Variants in LPAR2 observed in about 807,000 individuals in gnomAD.
LPAR2 encodes the protein G protein-coupled receptor.
Under a neutral mutation model 15.6 loss-of-function variants are expected in LPAR2, and 10 were observed. That is an observed-to-expected ratio of 0.64 (90% confidence interval 0.39 to 1.09). The LOEUF (loss-of-function observed/expected upper bound fraction) is 1.09. Among genes scored for constraint, LPAR2 ranks in the 50% least tolerant of loss-of-function variants. The pLI is 0.01. For synonymous variants in LPAR2, 204 were observed against 207.4 expected (o/e 0.98, Z 0.14); for missense variants, 413 against 484.6 (o/e 0.85, Z 1.39).
At position 19,627,145 on chromosome 19, in the gene LPAR2, A is replaced by C. The variant is rs2061745934; in HGVS notation, c.140T>G (p.Leu47Arg). ...TGCTATGACCAGCAGATTGGTCAGCAGCACCAGCACGCTGACGGTCAGCCC... is the reference window on the plus strand; with the variant it reads ...TGCTATGACCAGCAGATTGGTCAGCCGCACCAGCACGCTGACGGTCAGCCC... Residue 47 changes from leucine (L) to arginine (R), a missense_variant, in exon 2 of 3, where the codon CTG becomes CGG. Transcript: ENST00000407877. The surrounding 1 kb of genome is among the most constrained non-coding windows in gnomAD (Gnocchi z 4.7). 2 of 1,613,256 alleles carry C rather than the reference A, an allele frequency of 1.2e-6. No homozygotes were observed. Among genetic ancestry groups the C allele is most frequent in the Non-Finnish European group, 1.7e-6 (2 of 1,179,910 alleles).
At chr19:19,624,618 C>T in intron 2 of LPAR2, 49 bp from the exon 3 acceptor site, 1 of 1,483,072 alleles carries the variant, frequency 6.7e-7, no homozygotes, top group Non-Finnish European at 9.2e-7. Context: ...AGAGGCCCGG[C>T]ACCTACAGCT....
chr19:19,624,451 G>A lies in LPAR2; in HGVS notation c.861C>T (p.Asn287=). The A allele has an allele frequency of 6.2e-7, 1 of 1,614,166 alleles. No homozygotes were observed. Among genetic ancestry groups the A allele is most frequent in the African/African-American group, 1.3e-5 (1 of 75,072 alleles). Residue 287 remains asparagine, a synonymous_variant, in exon 3 of 3, where the codon AAC becomes AAT. Coordinates refer to ENST00000407877, the MANE Select transcript of LPAR2 (RefSeq NM_004720.7). ...AGTACACAGCAGCATTGACCAGGGA[G>A]TTGGCCTCGGCCAACAGTAGGAAGT...
Position 19,626,436 on chromosome 19 carries a change from C to T in LPAR2, c.742+107G>A. 1.5e-6 allele frequency: 2 copies of T among 1,364,296 alleles called. No homozygotes were observed. The highest frequency in any genetic ancestry group is 2.8e-5 in the South Asian group (2 of 71,440). 84.5% of individuals were successfully genotyped at this position (1,364,296 alleles called of 1,614,324 possible). On this transcript the variant is annotated intron_variant, in intron 2 of 2. Transcript: ENST00000407877. This position sits in a 1 kb window ranked among gnomAD's most constrained non-coding sequence, Gnocchi z 5.3. ...GGAGGACATTCCCCACCTAAATCAT[C>T]CCCCATCACCCTCTATCAGGTAGCT...
rs1438468610 is a variant in LPAR2, at chr19:19,626,765, C to T, written c.520G>A (p.Ala174Thr). ...GCCATGCGTGAGCAGCGGTCCAGGGCACAGAGGCAGTGCCAGGAGTGGGCA... is the reference window on the plus strand; with the variant it reads ...GCCATGCGTGAGCAGCGGTCCAGGGTACAGAGGCAGTGCCAGGAGTGGGCA... Residue 174 changes from alanine (A) to threonine (T), a missense_variant, in exon 2 of 3, where the codon GCC becomes ACC. Physicochemically the swap from Ala to Thr is moderately conservative, Grantham distance 58. Transcript: ENST00000407877. The surrounding 1 kb of genome is among the most constrained non-coding windows in gnomAD (Gnocchi z 5.3). The T allele has an allele frequency of 1.2e-6, 2 of 1,610,834 alleles. No homozygotes were observed. The highest frequency in any genetic ancestry group is 3.4e-5 in the Admixed American group (2 of 59,456).
intron 2 of LPAR2, among the ~76,000 whole-genome samples, chr19:19,624,789 T>TTG (rs142248281): frequency 0.078 from 11,226 of 143,564 alleles, 506 homozygotes; most frequent in East Asian, 0.26. Context: ...ACTGGACATT[T>TTG]TGTGTGTGTG....
rs2061742357 is a variant in LPAR2, at chr19:19,626,747, G to A, written c.538C>T (p.Arg180Cys). The A allele has an allele frequency of 5.6e-6, 9 of 1,612,520 alleles. No homozygotes were observed. The highest frequency in any genetic ancestry group is 1.3e-5 in the African/African-American group (1 of 74,900). ...GAGCGGCTGAGCAGGGGTGCCATGC[G>A]TGAGCAGCGGTCCAGGGCACAGAGG... is the stretch of plus-strand genomic sequence containing the variant. Residue 180 changes from arginine to cysteine, a missense_variant, in exon 2 of 3, where the codon CGC becomes TGC. Transcript: ENST00000407877. The surrounding 1 kb of genome is among the most constrained non-coding windows in gnomAD (Gnocchi z 5.3).
chr19:19,624,659 C>A, intron 2 of LPAR2, 90 bp from the exon 3 acceptor site: 2 of 1,072,034 alleles, frequency 1.9e-6, no homozygotes, highest in East Asian at 2.4e-5. Flanking sequence ...GTCTCCAGAG[C>A]TCGAGCAATA....
rs1245636212 is a variant in LPAR2 at position 19,626,134 on chromosome 19, C to T, written c.742+409G>A. 6.6e-6 allele frequency among the ~76,000 whole-genome samples: 1 copy of T among 152,078 alleles called. No homozygotes were observed. The highest frequency in any genetic ancestry group is 1.5e-5 in the Non-Finnish European group (1 of 68,016). ...CCAACCTCAGCTGATCTGCCCGCCTCGGCCTCCCAAAGTGCTGGGATTACA... is the reference window on the plus strand; with the variant it reads ...CCAACCTCAGCTGATCTGCCCGCCTTGGCCTCCCAAAGTGCTGGGATTACA... On this transcript the variant is annotated intron_variant, in intron 2 of 2. Transcript: ENST00000407877. The surrounding 1 kb of genome is among the most constrained non-coding windows in gnomAD (Gnocchi z 5.3).
chr19:19,625,085 GT>G (rs1409910696), intron 2 of LPAR2, among the ~76,000 whole-genome samples: 1 of 151,846 alleles, frequency 6.6e-6, no homozygotes, highest in Non-Finnish European at 1.5e-5. Context: ...CTCCCGAAGT[GT>G]TGGGATTACA....
Position 19,627,007 on chromosome 19 carries a change from C to G in LPAR2, c.278G>C (p.Gly93Ala). Residue 93 changes from glycine (G) to alanine (A), a missense_variant, in exon 2 of 3, where the codon GGT becomes GCT. Gly to Ala is a moderately conservative substitution (Grantham distance 60). Transcript: ENST00000407877. The surrounding 1 kb of genome is among the most constrained non-coding windows in gnomAD (Gnocchi z 4.7). ...AAGTGAAAGTCGGGCTGTGCGGGGACCAGTGTGGAACATGAGGAAGAGGTA... is the reference window on the plus strand; with the variant it reads ...AAGTGAAAGTCGGGCTGTGCGGGGAGCAGTGTGGAACATGAGGAAGAGGTA... The G allele has an allele frequency of 6.2e-7, 1 of 1,613,756 alleles. No individual in the cohort carries two copies. Among genetic ancestry groups the G allele is most frequent in the Non-Finnish European group, 8.5e-7 (1 of 1,179,980 alleles).
rs769991960 is a variant in LPAR2, at chr19:19,626,992, C to T, written c.293G>A (p.Arg98Gln). 3.7e-6 allele frequency: 6 copies of T among 1,613,438 alleles called. No homozygotes were observed. The highest frequency in any genetic ancestry group is 3.3e-5 in the Admixed American group (2 of 59,986). The change falls in exon 2 of 3, where the codon CGA becomes CAA. Residue 98 changes from arginine (R) to glutamine (Q), a missense_variant. Arg to Gln is a conservative substitution (Grantham distance 43). Coordinates refer to ENST00000407877, the MANE Select transcript of LPAR2 (RefSeq NM_004720.7). This position sits in a 1 kb window ranked among gnomAD's most constrained non-coding sequence, Gnocchi z 5.3. The stretch of plus-strand genomic sequence containing the variant: ...CAGGAACCAGCCCTCAAGTGAAAGT[C>T]GGGCTGTGCGGGGACCAGTGTGGAA...
Sources: gnomAD v4.1 joint callset for allele counts (sites outside exome capture counted in the v4.1 genomes callset) on GRCh38, gnomAD v4.1.1 for gene constraint, Gnocchi (gnomAD v3.1) non-coding constraint, MANE v1.5 for transcripts, NCBI Gene and HGNC (gene_info 2026-07-23, HGNC 2026-07-21) for gene names.